The following DNM1L variants were observed in gnomAD, a reference collection of about 807,000 sequenced individuals.
The protein encoded by DNM1L is dynamin 1L, also known as dynamin-1-like protein.
A neutral mutation model predicts 92.8 loss-of-function variants in DNM1L; 33 were observed. The ratio of observed to expected loss-of-function variants is 0.36; its 90% CI spans 0.27 to 0.48. The LOEUF is 0.48. Among genes scored for constraint, DNM1L ranks in the 20% least tolerant of loss-of-function variants. The probability of loss-of-function intolerance (pLI) is 0.99; values close to 1 mark genes in which losing one functional copy is unlikely to be tolerated. For synonymous variants in DNM1L, 284 were observed against 305.0 expected, an observed-to-expected ratio of 0.93 and a Z score of 0.72; for missense variants, 485 against 888.8, an observed-to-expected ratio of 0.55 and a Z score of 5.78.
At chr12:32,707,089 A>G (rs2137334979) in intron 2 of DNM1L, 1 of 322,932 alleles carries the variant, frequency 3.1e-6, no homozygotes, top group East Asian at 5.5e-5. Context: ...TTTTATTTGC[A>G]AAATCTAGAT....
At chr12:32,710,881 A>G (rs1953099967) in intron 4 of DNM1L, 48 bp from the exon 5 acceptor site, 2 of 1,367,336 alleles carry the variant, frequency 1.5e-6, no homozygotes, top group Non-Finnish European at 1.0e-6. Flanking sequence ...GAAGTTTATT[A>G]CTTCATAGTT....
chr12:32,726,281 C>A, intron 9 of DNM1L: 1 of 987,900 alleles, frequency 1.0e-6, no homozygotes, highest in Admixed American at 1.9e-5. Flanking sequence ...CAAAAATTAC[C>A]CAGTCTACCA....
At chr12:32,685,400 G>T (rs142217036) in intron 1 of DNM1L, among the ~76,000 whole-genome samples, 1 of 112,750 alleles carries the variant, frequency 8.9e-6, no homozygotes, top group Non-Finnish European at 1.7e-5. Flanking sequence ...TCACTTTCTC[G>T]CCCAGACTGG....
At chr12:32,735,608 C>T (rs191391030) in intron 13 of DNM1L, among the ~76,000 whole-genome samples, 11 of 152,048 alleles carry the variant, frequency 7.2e-5, no homozygotes, top group African/African-American at 2.2e-4. Flanking sequence ...GGGCTGTGTG[C>T]GGTGGCTCAT....
rs373183945 is a variant in DNM1L at position 32,701,397 on chromosome 12, T to C, written c.103-18T>C. 11 of 1,611,904 alleles carry C rather than the reference T, an allele frequency of 6.8e-6. No homozygotes were observed. The Admixed American group carries it at 8.3e-5, about 12-fold the overall frequency. On this transcript the variant is annotated intron_variant, in intron 1 of 19. Transcript: ENST00000549701. ...TGTTAAGAAACTCATTTTGCTCTTG[T>C]ATATATTCTGTTTTCAGAGCAGCGG...
chr12:32,712,635 GTGAGACC>G (rs1297683266), intron 5 of DNM1L, among the ~76,000 whole-genome samples: 1 of 106,846 alleles, frequency 9.4e-6, no homozygotes, highest in Non-Finnish European at 1.7e-5. Context: ...ATGTGATAGA[GTGAGACC>G]CTGTCTCAAA....
At chr12:32,737,768 G>A (rs547373603) in intron 14 of DNM1L, 97 bp from the exon 15 acceptor site, 7 of 907,950 alleles carry the variant, frequency 7.7e-6, no homozygotes, top group Admixed American at 5.5e-5. Flanking sequence ...GTTATTTTAC[G>A]ATTTCATTAC....
In DNM1L at chr12:32,741,031, A is replaced by C. The variant is rs566976209; in HGVS notation, c.1994+513A>C. On this transcript the variant is annotated intron_variant, in intron 18 of 19. Transcript: ENST00000549701. ...GGAGAATATACATTTAGTTGTGTGA[A>C]GTGATCTATTAGAAAATATTCTGCA... 3.9e-5 allele frequency among the ~76,000 whole-genome samples: 6 copies of C among 152,312 alleles called. No homozygotes were observed. The East Asian group carries it at 1.2e-3, about 29-fold the overall frequency.
At chr12:32,708,474 A>G (rs922938800) in intron 4 of DNM1L, among the ~76,000 whole-genome samples, 2 of 152,112 alleles carry the variant, frequency 1.3e-5, no homozygotes, top group African/African-American at 4.8e-5. Flanking sequence ...TTTTATTTAG[A>G]TGTTTATTGT....
At chr12:32,742,136 A>G (rs555725188) in intron 18 of DNM1L, among the ~76,000 whole-genome samples, 10 of 151,670 alleles carry the variant, frequency 6.6e-5, no homozygotes, top group African/African-American at 2.2e-4. Context: ...ACACAGTCTC[A>G]CTCTGTTGCC....
chr12:32,694,131 T>C (rs1952337400), intron 1 of DNM1L, among the ~76,000 whole-genome samples: 1 of 152,238 alleles, frequency 6.6e-6, no homozygotes, highest in African/African-American at 2.4e-5. Flanking sequence ...TTGCCCAGGC[T>C]GGAGTGCAGT....
rs867256506 is a variant in DNM1L, at chr12:32,699,817, A to G, written c.103-1598A>G. ...ATCTCAAAAAAAAAAAAAAAAAAAA[A>G]AAGCAATGATGTTTAATACTGATGG... On this transcript the variant is annotated intron_variant, in intron 1 of 19. Transcript: ENST00000549701. Among the ~76,000 whole-genome samples, 325 of 149,114 alleles carry G rather than the reference A, an allele frequency of 2.2e-3. 1 individual carries two copies. The highest frequency in any genetic ancestry group is 0.021 in the Middle Eastern group (6 of 288).
chr12:32,723,643 G>A (rs1186918379), intron 9 of DNM1L, among the ~76,000 whole-genome samples: 9 of 146,920 alleles, frequency 6.1e-5, no homozygotes, highest in South Asian at 2.2e-4. Flanking sequence ...GTGGTGAGCC[G>A]AGATGGTGCC....
chr12:32,682,759 A>G (rs1406911000), intron 1 of DNM1L, among the ~76,000 whole-genome samples: 1 of 152,078 alleles, frequency 6.6e-6, no homozygotes, highest in Admixed American at 6.6e-5. Context: ...CCCAAGTAAC[A>G]CTCATTTGGG....
chr12:32,741,934 A>AAGTG (rs1955327796), intron 18 of DNM1L, among the ~76,000 whole-genome samples: 1 of 152,214 alleles, frequency 6.6e-6, no homozygotes, highest in Non-Finnish European at 1.5e-5. Context: ...CCGTGTCATT[A>AAGTG]AGTGACATAT....
Position 32,715,810 on chromosome 12 carries a change from C to T in DNM1L, c.619+2439C>T, listed in dbSNP as rs527760827. On this transcript the variant is annotated intron_variant, in intron 6 of 19. Transcript: ENST00000549701. ...ATGCAGAGCAGTTGGAACTCTCACA[C>T]GTTGCTGGTGGGAGTGGTGTAGTCA... Among the ~76,000 whole-genome samples the T allele has an allele frequency of 5.3e-5, 8 of 152,272 alleles. No homozygotes were observed. In the South Asian group the frequency reaches 6.2e-4, roughly 12 times the overall value.
intron 9 of DNM1L, among the ~76,000 whole-genome samples, chr12:32,730,295 C>T (rs574165509): frequency 7.2e-5 from 11 of 152,286 alleles, no homozygotes; most frequent in African/African-American, 2.4e-4. Flanking sequence ...ACCCAGGAGG[C>T]GGAGGTTGCA....
chr12:32,681,396 C>T (rs1290459112), intron 1 of DNM1L, among the ~76,000 whole-genome samples: 1 of 151,986 alleles, frequency 6.6e-6, no homozygotes, highest in Non-Finnish European at 1.5e-5. Flanking sequence ...ACGAAAAATA[C>T]GAAAATTAGC....
At chr12:32,690,467 G>T (rs990398993) in intron 1 of DNM1L, among the ~76,000 whole-genome samples, 1 of 152,084 alleles carries the variant, frequency 6.6e-6, no homozygotes, top group Non-Finnish European at 1.5e-5. Context: ...TGCCTTCCCT[G>T]GTTGCCAGTT....
Sources: gnomAD v4.1 joint callset for allele counts (sites outside exome capture counted in the v4.1 genomes callset) on GRCh38, gnomAD v4.1.1 for gene constraint, MANE v1.5 for transcripts, NCBI Gene and HGNC (gene_info 2026-07-23, HGNC 2026-07-21) for gene names.